Variants in KIAA0232 observed in about 807,000 individuals in gnomAD.
KIAA0232 encodes the protein uncharacterized protein KIAA0232.
KIAA0232 carries 27 observed loss-of-function variants against 122.0 expected under a neutral mutation model. The ratio of observed to expected loss-of-function variants is 0.22; its 90% CI spans 0.16 to 0.31. KIAA0232 has a LOEUF of 0.31. Among genes scored for constraint, KIAA0232 ranks in the 10% least tolerant of loss-of-function variants. The probability of loss-of-function intolerance (pLI) is 1.00; values close to 1 mark genes in which losing one functional copy is unlikely to be tolerated. For missense variants in KIAA0232, 1,551 were observed against 1,634.2 expected, an observed-to-expected ratio of 0.95 and a Z score of 0.88; for synonymous variants, 613 against 587.6, an observed-to-expected ratio of 1.04 and a Z score of -0.63.
At chr4:6,802,047 G>A (rs536063525) in intron 1 of KIAA0232, among the ~76,000 whole-genome samples, 1 of 152,304 alleles carries the variant, frequency 6.6e-6, no homozygotes, top group African/African-American at 2.4e-5. Context: ...AGTGTCACAA[G>A]TTGGGTTCTC....
At chr4:6,796,336 G>T (rs1210340558) in intron 1 of KIAA0232, among the ~76,000 whole-genome samples, 1 of 152,040 alleles carries the variant, frequency 6.6e-6, no homozygotes, top group African/African-American at 2.4e-5. Flanking sequence ...CTGCCTCCTG[G>T]GTTCAAGCGA....
At chr4:6,786,345 A>C (rs986827333) in intron 1 of KIAA0232, among the ~76,000 whole-genome samples, 4 of 152,196 alleles carry the variant, frequency 2.6e-5, no homozygotes, top group Non-Finnish European at 5.9e-5. Flanking sequence ...TTTGTCACCC[A>C]GGCTTGGAGT....
At chr4:6,793,588 A>G (rs1392677270) in intron 1 of KIAA0232, among the ~76,000 whole-genome samples, 2 of 152,240 alleles carry the variant, frequency 1.3e-5, no homozygotes, top group Non-Finnish European at 2.9e-5. Context: ...TTTATTCATC[A>G]GTCAGGTTCA....
At chr4:6,835,665 G>A (rs867584136) in intron 3 of KIAA0232, among the ~76,000 whole-genome samples, 4 of 152,068 alleles carry the variant, frequency 2.6e-5, no homozygotes, top group Admixed American at 2.0e-4. Context: ...TCCCCTCCCT[G>A]TGTCCATGTG....
At chr4:6,797,440 A>G (rs892674327) in intron 1 of KIAA0232, among the ~76,000 whole-genome samples, 12 of 152,208 alleles carry the variant, frequency 7.9e-5, no homozygotes, top group African/African-American at 2.9e-4. Context: ...GATATGCTAA[A>G]TGCAGGGAAA....
chr4:6,869,555 T>A (rs1025871723), intron 7 of KIAA0232, among the ~76,000 whole-genome samples: 8 of 152,232 alleles, frequency 5.3e-5, no homozygotes, highest in African/African-American at 1.9e-4. Context: ...GCCCTGTCCA[T>A]TCCCCTGGCC....
At position 6,818,766 on chromosome 4, in the gene KIAA0232, C is replaced by T. The variant is rs370146289; in HGVS notation, c.-269-5419C>T. Among the ~76,000 whole-genome samples the T allele has an allele frequency of 1.5e-4, 23 of 150,348 alleles. 1 individual carries two copies. Among genetic ancestry groups the T allele is most frequent in the South Asian group, 1.3e-3 (6 of 4,726 alleles). ...GGAACCAAAAAACAGCCAGAGTAGC[C>T]GAAGCAATCCAAAGCAAAAAGAACA... On this transcript the variant is annotated intron_variant, in intron 2 of 9. Coordinates refer to ENST00000307659, the MANE Select transcript of KIAA0232 (RefSeq NM_014743.3).
At chr4:6,822,113 T>G (rs900283799) in intron 2 of KIAA0232, among the ~76,000 whole-genome samples, 2 of 152,160 alleles carry the variant, frequency 1.3e-5, no homozygotes, top group African/African-American at 4.8e-5. Flanking sequence ...TTGAGTGTGT[T>G]ATTTAATTGA....
chr4:6,805,728 A>G (rs77960667), intron 2 of KIAA0232, among the ~76,000 whole-genome samples: 42 of 152,158 alleles, frequency 2.8e-4, no homozygotes, highest in Non-Finnish European at 2.4e-4. Context: ...AAATGTTTCA[A>G]CGTTGACAAA....
chr4:6,842,983 A>T (rs1719745600), intron 4 of KIAA0232, among the ~76,000 whole-genome samples: 1 of 152,222 alleles, frequency 6.6e-6, no homozygotes, highest in Admixed American at 6.5e-5. Context: ...CTAGAAGGGA[A>T]TAGCAGTTCA....
intron 3 of KIAA0232, among the ~76,000 whole-genome samples, chr4:6,840,553 G>A (rs757384700): frequency 6.6e-6 from 1 of 152,112 alleles, no homozygotes; most frequent in African/African-American, 2.4e-5. Context: ...CTAGCCTTAC[G>A]TGACCTCCCT....
intron 1 of KIAA0232, among the ~76,000 whole-genome samples, chr4:6,802,860 G>C (rs147835930): frequency 4.4e-4 from 67 of 151,892 alleles, no homozygotes; most frequent in Non-Finnish European, 8.7e-4. Context: ...AGTAATAGTC[G>C]AATATGAGTG....
At chr4:6,846,016 C>T (rs1410545399) in intron 4 of KIAA0232, among the ~76,000 whole-genome samples, 3 of 151,824 alleles carry the variant, frequency 2.0e-5, no homozygotes. Context: ...CTTTCCTTTG[C>T]TTGGCTGTCA....
chr4:6,814,540 C>G lies in KIAA0232; in HGVS notation c.-269-9645C>G, dbSNP rs6850208. 2.2e-3 allele frequency among the ~76,000 whole-genome samples: 328 copies of G among 152,244 alleles called. 1 individual carries two copies. The highest frequency in any genetic ancestry group is 7.2e-3 in the African/African-American group (301 of 41,552). On this transcript the variant is annotated intron_variant, in intron 2 of 9. Coordinates refer to ENST00000307659, the MANE Select transcript of KIAA0232 (RefSeq NM_014743.3). ...GTGTGGTAGTCTTTAACAATACCTTCAATTTGTATGCTATTTGGAGAAATG... is the reference window on the plus strand; with the variant it reads ...GTGTGGTAGTCTTTAACAATACCTTGAATTTGTATGCTATTTGGAGAAATG...
chr4:6,816,143 A>G (rs1384842969), intron 2 of KIAA0232, among the ~76,000 whole-genome samples: 1 of 152,142 alleles, frequency 6.6e-6, no homozygotes, highest in East Asian at 1.9e-4. Context: ...AATTGTGTAG[A>G]ACAGCATTCT....
Position 6,882,823 on chromosome 4 carries a change from T to C in KIAA0232, c.*1857T>C, listed in dbSNP as rs1377635229. 6.5e-6 allele frequency: 1 copy of C among 152,702 alleles called. No individual in the cohort carries two copies. The highest frequency in any genetic ancestry group is 1.5e-5 in the Non-Finnish European group (1 of 68,050). The allele number at this position is 152,702 out of a possible 1,614,324, so 9.5% of individuals were successfully genotyped here. A position where few individuals can be genotyped will look rare whatever the true frequency, so the allele number is the denominator to read the frequency against. Reference sequence around the variant, plus strand: ...AAAAGGATTGAAAGTTGTAAATTCCTCATATCACTACAGTGACGATTATTC... The same window carrying C: ...AAAAGGATTGAAAGTTGTAAATTCCCCATATCACTACAGTGACGATTATTC... On this transcript the variant is annotated 3_prime_UTR_variant, in exon 10 of 10. Coordinates refer to ENST00000307659, the MANE Select transcript of KIAA0232 (RefSeq NM_014743.3).
intron 2 of KIAA0232, among the ~76,000 whole-genome samples, chr4:6,817,785 T>C (rs1203087443): frequency 2.0e-5 from 3 of 152,204 alleles, no homozygotes; most frequent in Non-Finnish European, 2.9e-5. Flanking sequence ...TCTAGTGTAA[T>C]TGTGGACTTG....
At chr4:6,802,175 C>T (rs1271993118) in intron 1 of KIAA0232, among the ~76,000 whole-genome samples, 1 of 152,150 alleles carries the variant, frequency 6.6e-6, no homozygotes, top group Non-Finnish European at 1.5e-5. Context: ...CCTTGCATGC[C>T]CAATTATAGC....
At position 6,802,901 on chromosome 4, in the gene KIAA0232, T is replaced by C. The variant is rs568995699; in HGVS notation, c.-353-1622T>C. Among the ~76,000 whole-genome samples the C allele has an allele frequency of 4.0e-5, 6 of 150,890 alleles. No homozygotes were observed. The South Asian group carries it at 1.3e-3, about 31-fold the overall frequency. On this transcript the variant is annotated intron_variant, in intron 1 of 9. Coordinates refer to ENST00000307659, the MANE Select transcript of KIAA0232 (RefSeq NM_014743.3). Reference sequence around the variant, plus strand: ...AGCTGGGGGCAGTGGCTCATGCTTGTAATCCCAACTCTTTAGGTGGCTGAG... The same window carrying C: ...AGCTGGGGGCAGTGGCTCATGCTTGCAATCCCAACTCTTTAGGTGGCTGAG...
Sources: gnomAD v4.1 joint callset for allele counts (sites outside exome capture counted in the v4.1 genomes callset) on GRCh38, gnomAD v4.1.1 for gene constraint, MANE v1.5 for transcripts, NCBI Gene and HGNC (gene_info 2026-07-23, HGNC 2026-07-21) for gene names.